IQSEC1: variants seen among roughly 807,000 people sequenced by gnomAD.
IQSEC1 encodes IQ motif and SEC7 domain-containing protein 1.
A neutral mutation model predicts 91.0 loss-of-function variants in IQSEC1; 31 were observed. The ratio of observed to expected loss-of-function variants is 0.34; its 90% CI spans 0.26 to 0.46. The LOEUF (loss-of-function observed/expected upper bound fraction) is 0.46. Among genes scored for constraint, IQSEC1 ranks in the 20% least tolerant of loss-of-function variants. IQSEC1 has a pLI of 1.00. For missense variants in IQSEC1, 1,388 were observed against 1,575.6 expected (o/e 0.88, Z 2.02); for synonymous variants, 699 against 662.6 (o/e 1.05, Z -0.84).
chr3:13,023,388 C>T (rs1257424252), intron 1 of IQSEC1, among the ~76,000 whole-genome samples: 2 of 152,190 alleles, frequency 1.3e-5, no homozygotes, highest in Non-Finnish European at 2.9e-5. Context: ...GGGATAATGA[C>T]TCACGGATCA....
intron 2 of IQSEC1, among the ~76,000 whole-genome samples, chr3:12,939,118 C>G (rs916286133): frequency 6.6e-6 from 1 of 152,220 alleles, no homozygotes; most frequent in Non-Finnish European, 1.5e-5. Context: ...TCTGCTCTCC[C>G]GAGGGGTTTC....
rs780572634 is a variant in IQSEC1, at chr3:12,935,529, C to T, written c.1487G>A (p.Arg496His). 11 of 1,614,070 alleles carry T rather than the reference C, an allele frequency of 6.8e-6. No individual in the cohort carries two copies. The highest frequency in any genetic ancestry group is 1.7e-4 in the Middle Eastern group (1 of 6,058). Residue 496 changes from arginine to histidine, a missense_variant, in exon 3 of 14, where the codon CGC (arginine) becomes CAC (histidine). Physicochemically the swap from Arg to His is conservative, Grantham distance 29. Coordinates refer to ENST00000613206, the MANE Select transcript of IQSEC1 (RefSeq NM_001134382.3). This position sits in a 1 kb window ranked among gnomAD's most constrained non-coding sequence, Gnocchi z 8.0. ...AAAGGCAGGCGAGTCCCAGCTGTTG[C>T]GGGCCTCCTTGTGGTAGGTCTGCTT... ...LSKQTYHKEARNSWDSPAFSN... is the reference protein window; with the variant it reads ...LSKQTYHKEAHNSWDSPAFSN...
chr3:12,937,460 G>A (rs372501804), intron 2 of IQSEC1, among the ~76,000 whole-genome samples: 20 of 152,230 alleles, frequency 1.3e-4, no homozygotes, highest in Non-Finnish European at 2.5e-4. Context: ...CAGCTCTTGT[G>A]GCCAGATGGG....
chr3:12,925,366 C>G (rs1697027508), intron 3 of IQSEC1, among the ~76,000 whole-genome samples: 1 of 152,224 alleles, frequency 6.6e-6, no homozygotes, highest in South Asian at 2.1e-4. Flanking sequence ...AATTCCCACT[C>G]CAGGAGGTCA....
At chr3:13,265,940 C>T (rs1436969573) in intron 1 of IQSEC1, among the ~76,000 whole-genome samples, 4 of 146,848 alleles carry the variant, frequency 2.7e-5, no homozygotes, top group African/African-American at 1.0e-4. Flanking sequence ...AAAAGGAAAC[C>T]AGATAACGGG....
At chr3:12,941,210 C>T (rs944632985) in intron 2 of IQSEC1, among the ~76,000 whole-genome samples, 2 of 152,236 alleles carry the variant, frequency 1.3e-5, no homozygotes, top group East Asian at 1.9e-4. Flanking sequence ...CAGTGTGTCC[C>T]GATGACACTG....
intron 1 of IQSEC1, among the ~76,000 whole-genome samples, chr3:13,278,112 G>T (rs1695723775): frequency 6.6e-6 from 1 of 152,146 alleles, no homozygotes; most frequent in Non-Finnish European, 1.5e-5. Flanking sequence ...AATCAACAGA[G>T]TCTGAATGCC....
chr3:13,072,415 G>C (rs1302246053), intron 1 of IQSEC1, among the ~76,000 whole-genome samples: 1 of 152,234 alleles, frequency 6.6e-6, no homozygotes, highest in Non-Finnish European at 1.5e-5. Flanking sequence ...GCCCCGTGCA[G>C]ACTTTCACAG....
rs1210385702 is a variant in IQSEC1, at chr3:12,901,018, T to C, written c.3310A>G (p.Lys1104Glu). The change falls in exon 14 of 14, where the codon AAG (lysine) becomes GAG (glutamate). Residue 1104 changes from lysine (K) to glutamate (E), a missense_variant. By Grantham distance (56) the Lys-to-Glu change is moderately conservative. This residue lies in a region of IQSEC1 where 329 missense variants were observed against 257.8 expected (regional missense o/e 1.28). Coordinates refer to ENST00000613206, the MANE Select transcript of IQSEC1 (RefSeq NM_001134382.3). ...PPAPPPPTSS[K>E]AKPSGISTIV ...GTGCTGATGCCGCTGGGTTTGGCCT[T>C]GCTGCTGGTGGGGGGCGGCGGGGCA... 1 of 1,535,626 alleles carries C rather than the reference T, an allele frequency of 6.5e-7. No homozygotes were observed.
At position 13,154,438 on chromosome 3, in the gene IQSEC1, CATATATAT is replaced by C. The variant is rs774589168; in HGVS notation, c.302+9658_302+9665del. On this transcript the variant is annotated intron_variant, in intron 2 of 15. Coordinates refer to the IQSEC1 transcript ENST00000648114. ...ACACCAGGAAGCTGGAACTTACATG[CATATATAT>C]ATATATATATATATATATATATATA... 8.2e-3 allele frequency among the ~76,000 whole-genome samples: 170 copies of C among 20,760 alleles called. 26 individuals carry two copies. The East Asian group carries it at 0.13, about 15-fold the overall frequency. The allele number at this position is 20,760 out of a possible 152,430, so 13.6% of individuals were successfully genotyped here. A position where few individuals can be genotyped will look rare whatever the true frequency, so the allele number is the denominator to read the frequency against.
At chr3:13,065,272 T>G (rs1339381132) in intron 1 of IQSEC1, among the ~76,000 whole-genome samples, 1 of 152,222 alleles carries the variant, frequency 6.6e-6, no homozygotes, top group African/African-American at 2.4e-5. Flanking sequence ...AGCACTTCAA[T>G]GATGAAGCAC....
chr3:13,141,904 G>T (rs73147145), intron 2 of IQSEC1, among the ~76,000 whole-genome samples: 1 of 152,154 alleles, frequency 6.6e-6, no homozygotes, highest in Non-Finnish European at 1.5e-5. Context: ...TTGACTGTCA[G>T]AGCTGGGAGA....
At chr3:13,030,249 C>G (rs1703794734) in intron 1 of IQSEC1, among the ~76,000 whole-genome samples, 1 of 152,174 alleles carries the variant, frequency 6.6e-6, no homozygotes, top group South Asian at 2.1e-4. Flanking sequence ...GGGCATGCAC[C>G]ACCACACGTA....
At chr3:13,039,816 T>C (rs1239685166) in intron 1 of IQSEC1, among the ~76,000 whole-genome samples, 2 of 152,336 alleles carry the variant, frequency 1.3e-5, no homozygotes, top group African/African-American at 4.8e-5. Flanking sequence ...CCCCCAGCCC[T>C]CAGCATGTCA....
In IQSEC1 at chr3:12,982,111, G is replaced by A. The variant is rs531505855; in HGVS notation, c.24-40246C>T. 4.6e-5 allele frequency among the ~76,000 whole-genome samples: 7 copies of A among 152,324 alleles called. No individual in the cohort carries two copies. In the South Asian group the frequency reaches 1.2e-3, roughly 27 times the overall value. On this transcript the variant is annotated intron_variant, in intron 1 of 13. Coordinates refer to ENST00000613206, the MANE Select transcript of IQSEC1 (RefSeq NM_001134382.3). Reference sequence around the variant, plus strand: ...CACCTGGGACTGGTGCTGAGTCACTGTGGTGCCCTGTTAGCAGGTTAAGCA... The same window carrying A: ...CACCTGGGACTGGTGCTGAGTCACTATGGTGCCCTGTTAGCAGGTTAAGCA...
intron 1 of IQSEC1, among the ~76,000 whole-genome samples, chr3:13,246,452 T>C (rs1462399931): frequency 1.3e-5 from 2 of 152,178 alleles, no homozygotes; most frequent in Admixed American, 1.3e-4. Context: ...GGCACATCAG[T>C]GTGAGTGGAG....
At chr3:13,165,420 G>A (rs1693468055) in intron 1 of IQSEC1, among the ~76,000 whole-genome samples, 1 of 151,484 alleles carries the variant, frequency 6.6e-6, no homozygotes, top group Non-Finnish European at 1.5e-5. Flanking sequence ...CTGATGATGG[G>A]GAGAGGAGAT....
intron 1 of IQSEC1, among the ~76,000 whole-genome samples, chr3:13,057,471 CAA>C (rs1272819768): frequency 2.0e-5 from 3 of 152,256 alleles, no homozygotes; most frequent in Non-Finnish European, 4.4e-5. Flanking sequence ...AGCACACACA[CAA>C]GACACACCCT....
chr3:12,963,996 C>A (rs149010703), intron 1 of IQSEC1, among the ~76,000 whole-genome samples: 1 of 152,220 alleles, frequency 6.6e-6, no homozygotes, highest in African/African-American at 2.4e-5. Flanking sequence ...TGAGGCCAGG[C>A]GCTATGCTAG....
Sources: allele counts gnomAD v4.1 joint callset (sites outside exome capture counted in the v4.1 genomes callset), GRCh38; gene constraint gnomAD v4.1.1; regional missense constraint gnomAD v4.1.1; non-coding constraint Gnocchi (gnomAD v3.1); transcripts MANE v1.5; gene names NCBI Gene and HGNC (gene_info 2026-07-23, HGNC 2026-07-21).